Variants in TRIM2 observed in about 807,000 individuals in gnomAD.
TRIM2 encodes tripartite motif containing 2, also known as tripartite motif-containing protein 2.
TRIM2 carries 20 observed loss-of-function variants against 75.2 expected under a neutral mutation model. That is an observed-to-expected ratio of 0.27 (90% CI 0.19 to 0.39). The LOEUF (loss-of-function observed/expected upper bound fraction) is 0.39, where lower values mean the gene tolerates loss of function less well. Among genes scored for constraint, TRIM2 ranks in the 10% least tolerant of loss-of-function variants. The pLI is 1.00. For synonymous variants in TRIM2, 373 were observed against 388.3 expected (o/e 0.96, Z 0.46); for missense variants, 660 against 990.8 (o/e 0.67, Z 4.48).
intron 10 of TRIM2, among the ~76,000 whole-genome samples, chr4:153,327,322 T>C (rs2149578389): frequency 6.6e-6 from 1 of 152,302 alleles, no homozygotes; most frequent in East Asian, 1.9e-4. Flanking sequence ...GTGTCCTACT[T>C]TCCCAAGGTA....
intron 1 of TRIM2, among the ~76,000 whole-genome samples, chr4:153,186,824 G>GA (rs906198836): frequency 2.2e-4 from 33 of 151,944 alleles, no homozygotes; most frequent in Admixed American, 1.6e-3. Flanking sequence ...GAGAATATGA[G>GA]AAAAAAAACA....
chr4:153,226,413 C>T (rs920973444), intron 1 of TRIM2, among the ~76,000 whole-genome samples: 2 of 152,178 alleles, frequency 1.3e-5, no homozygotes, highest in African/African-American at 2.4e-5. Context: ...ACAGGTTTTG[C>T]TTCTGTCTTA....
chr4:153,285,487 A>G (rs1293770270), intron 3 of TRIM2, among the ~76,000 whole-genome samples: 1 of 152,054 alleles, frequency 6.6e-6, no homozygotes, highest in Non-Finnish European at 1.5e-5. Context: ...CTTTTTGATA[A>G]TATTGTAAAT....
chr4:153,293,199 T>A (rs1462419601), intron 4 of TRIM2, 66 bp downstream of exon 4: 1 of 1,492,856 alleles, frequency 6.7e-7, no homozygotes, highest in Non-Finnish European at 9.1e-7. Flanking sequence ...CATGGCCTCT[T>A]GTCTAGGTAC....
In TRIM2 at chr4:153,295,223, T is replaced by A; in HGVS notation, c.787-90T>A. The A allele has an allele frequency of 6.9e-7, 1 of 1,447,816 alleles. No homozygotes were observed. Among genetic ancestry groups the A allele is most frequent in the Admixed American group, 2.8e-5 (1 of 35,474 alleles). 89.7% of individuals were successfully genotyped at this position (1,447,816 alleles called of 1,614,324 possible). On this transcript the variant is annotated intron_variant, in intron 5 of 11. Transcript: ENST00000338700. This position sits in a 1 kb window ranked among gnomAD's most constrained non-coding sequence, Gnocchi z 7.2. ...TCAGAGCCACCTGCGTGGGCAGGTG[T>A]AGAGTCTCCTTCTCGCCGGTGGAGG...
chr4:153,209,008 A>G (rs1264521077), intron 1 of TRIM2, among the ~76,000 whole-genome samples: 1 of 152,184 alleles, frequency 6.6e-6, no homozygotes, highest in East Asian at 1.9e-4. Context: ...CTAAGATTTG[A>G]CAAGACTGGA....
intron 1 of TRIM2, 45 bp downstream of exon 1, chr4:153,204,605 C>G: frequency 6.4e-7 from 1 of 1,551,124 alleles, no homozygotes; most frequent in Middle Eastern, 1.7e-4. Flanking sequence ...TCTGGGCCAG[C>G]TGGTTAATCC....
chr4:153,187,838 C>T (rs1321202250), intron 1 of TRIM2, among the ~76,000 whole-genome samples: 2 of 152,170 alleles, frequency 1.3e-5, no homozygotes, highest in African/African-American at 2.4e-5. Context: ...ATCTCCAAGG[C>T]CCCACACAAG....
intron 1 of TRIM2, among the ~76,000 whole-genome samples, chr4:153,266,062 G>A (rs963826687): frequency 6.6e-6 from 1 of 152,198 alleles, no homozygotes; most frequent in Non-Finnish European, 1.5e-5. Context: ...GATAATGGTG[G>A]CTGATCAGAC....
intron 8 of TRIM2, 93 bp from the exon 9 acceptor site, chr4:153,322,555 A>G: frequency 2.1e-6 from 3 of 1,406,300 alleles, no homozygotes; most frequent in Non-Finnish European, 2.9e-6. Context: ...CTTCAGGTAA[A>G]TGTTGACCAA....
intron 1 of TRIM2, among the ~76,000 whole-genome samples, chr4:153,236,413 G>A (rs1305602727): frequency 6.6e-6 from 1 of 151,964 alleles, no homozygotes; most frequent in Non-Finnish European, 1.5e-5. Context: ...GCCTATTCAT[G>A]CTGGCTCTTT....
At chr4:153,164,971 T>C (rs1433620327) in intron 1 of TRIM2, among the ~76,000 whole-genome samples, 1 of 152,174 alleles carries the variant, frequency 6.6e-6, no homozygotes, top group Non-Finnish European at 1.5e-5. Flanking sequence ...TACTAGATTT[T>C]CTATGGGTTT....
chr4:153,265,491 C>T lies in TRIM2; in HGVS notation c.31-4844C>T, dbSNP rs182968854. ...CCGGAGTAGCTGGGGCTACAGGCGC[C>T]TGCCGCCACGCCTGACTAATTTTTT... is the stretch of plus-strand genomic sequence containing the variant. On this transcript the variant is annotated intron_variant, in intron 1 of 11. Coordinates refer to ENST00000338700, the MANE Select transcript of TRIM2 (RefSeq NM_015271.5). Among the ~76,000 whole-genome samples the T allele has an allele frequency of 9.1e-3, 1,390 of 152,110 alleles. 25 individuals are homozygous for T. Among genetic ancestry groups the T allele is most frequent in the African/African-American group, 0.03 (1,252 of 41,478 alleles).
intron 6 of TRIM2, among the ~76,000 whole-genome samples, chr4:153,310,735 C>A (rs1303135638): frequency 6.6e-6 from 1 of 152,124 alleles, no homozygotes; most frequent in Non-Finnish European, 1.5e-5. Flanking sequence ...ATTCAGAAAC[C>A]AAGCCATAGA....
At chr4:153,285,754 T>TGGGC (rs1553990672) in intron 3 of TRIM2, among the ~76,000 whole-genome samples, 2 of 126,030 alleles carry the variant, frequency 1.6e-5, no homozygotes, top group African/African-American at 6.8e-5. Context: ...TGTGTGAATG[T>TGGGC]GTGTGCGTGT....
At chr4:153,179,803 G>A (rs1471923877) in intron 1 of TRIM2, among the ~76,000 whole-genome samples, 1 of 152,202 alleles carries the variant, frequency 6.6e-6, no homozygotes, top group Non-Finnish European at 1.5e-5. Context: ...TGCAGTCACT[G>A]TGTGTGTGAC....
intron 3 of TRIM2, among the ~76,000 whole-genome samples, chr4:153,278,212 T>C (rs1758451668): frequency 6.6e-6 from 1 of 152,136 alleles, no homozygotes; most frequent in East Asian, 1.9e-4. Flanking sequence ...TTAAGCGATC[T>C]TTCCACCTCA....
chr4:153,206,942 A>G (rs1247857400), intron 1 of TRIM2, among the ~76,000 whole-genome samples: 2 of 151,930 alleles, frequency 1.3e-5, no homozygotes, highest in African/African-American at 4.8e-5. Flanking sequence ...GTGCAGTGGC[A>G]TGATCATGGC....
chr4:153,266,344 GTT>G (rs768231926), intron 1 of TRIM2, among the ~76,000 whole-genome samples: 5 of 120,016 alleles, frequency 4.2e-5, no homozygotes, highest in Non-Finnish European at 6.6e-5. Context: ...TAATTTTTGG[GTT>G]TTTTTTTTTT....
Sources: gnomAD v4.1 joint callset for allele counts (sites outside exome capture counted in the v4.1 genomes callset) on GRCh38, gnomAD v4.1.1 for gene constraint, Gnocchi (gnomAD v3.1) non-coding constraint, MANE v1.5 for transcripts, NCBI Gene and HGNC (gene_info 2026-07-23, HGNC 2026-07-21) for gene names.